The following NCKAP5 variants were observed in gnomAD, a reference collection of about 807,000 sequenced individuals.
NCKAP5 encodes the protein nck-associated protein 5.
NCKAP5 carries 92 observed loss-of-function variants against 167.0 expected under a neutral mutation model. The observed-to-expected ratio is 0.55, with a 90% CI of 0.47 to 0.66. NCKAP5 has a LOEUF of 0.66. Among genes scored for constraint, NCKAP5 ranks in the 30% least tolerant of loss-of-function variants. NCKAP5 has a pLI of 0.00. For synonymous variants in NCKAP5, 891 were observed against 877.4 expected, an observed-to-expected ratio of 1.02 and a Z score of -0.27; for missense variants, 2,378 against 2,315.0, an observed-to-expected ratio of 1.03 and a Z score of -0.56.
chr2:133,458,358 A>G (rs1691987322), intron 3 of NCKAP5, among the ~76,000 whole-genome samples: 1 of 152,142 alleles, frequency 6.6e-6, no homozygotes, highest in African/African-American at 2.4e-5. Flanking sequence ...CCTCATCTCA[A>G]TTTCAAAACG....
In NCKAP5 at chr2:133,130,916, C is replaced by G. The variant is rs150701448; in HGVS notation, c.208-805G>C. On this transcript the variant is annotated intron_variant, in intron 5 of 19. Coordinates refer to ENST00000409261, the MANE Select transcript of NCKAP5 (RefSeq NM_207363.3). ...TGTTATTGTTACTGCTGTTACTACA[C>G]TAAGCATTTTGTACACAGGATATAC... 4.4e-3 allele frequency among the ~76,000 whole-genome samples: 677 copies of G among 152,264 alleles called. 5 individuals are homozygous for G. Among genetic ancestry groups the G allele is most frequent in the Admixed American group, 7.4e-3 (113 of 15,298 alleles).
intron 6 of NCKAP5, among the ~76,000 whole-genome samples, chr2:133,099,550 C>G (rs2081438809): frequency 6.6e-6 from 1 of 152,174 alleles, no homozygotes; most frequent in Non-Finnish European, 1.5e-5. Flanking sequence ...AGCTGTTGAT[C>G]TCTGCTAAAT....
Position 133,172,741 on chromosome 2 carries a change from G to A in NCKAP5, c.207+40975C>T, listed in dbSNP as rs138077485. ...GGGCTCACTGCAAGCTCCGCCTCCC[G>A]GGTTCATGCCATTCTCCTGCCTCAG... is the stretch of plus-strand genomic sequence containing the variant. On this transcript the variant is annotated intron_variant, in intron 5 of 19. Transcript: ENST00000409261. Among the ~76,000 whole-genome samples the A allele has an allele frequency of 2.3e-3, 350 of 152,060 alleles. 4 individuals carry two copies. Among genetic ancestry groups the A allele is most frequent in the African/African-American group, 7.8e-3 (325 of 41,484 alleles).
intron 3 of NCKAP5, among the ~76,000 whole-genome samples, chr2:133,402,874 C>A (rs1295363874): frequency 6.6e-6 from 1 of 152,196 alleles, no homozygotes; most frequent in African/African-American, 2.4e-5. Context: ...TATTCTTTCA[C>A]AGCGATGCAA....
chr2:132,892,250 TCTTA>T (rs1400107494), intron 8 of NCKAP5, among the ~76,000 whole-genome samples: 1 of 152,220 alleles, frequency 6.6e-6, no homozygotes, highest in Non-Finnish European at 1.5e-5. Context: ...TTTCTCACCT[TCTTA>T]CTTCTGCTTC....
intron 19 of NCKAP5, among the ~76,000 whole-genome samples, chr2:132,700,934 G>A (rs529985742): frequency 1.7e-4 from 25 of 150,394 alleles, no homozygotes; most frequent in Non-Finnish European, 3.0e-4. Context: ...CCTGGGCGGG[G>A]GGGGGGGCTT....
chr2:132,792,073 A>G (rs1464178992), intron 12 of NCKAP5, among the ~76,000 whole-genome samples: 1 of 131,696 alleles, frequency 7.6e-6, no homozygotes, highest in African/African-American at 2.6e-5. Flanking sequence ...TGTTTTTCAG[A>G]TGGAGTTTCA....
chr2:133,524,910 A>G (rs1386209252), intron 2 of NCKAP5, among the ~76,000 whole-genome samples: 16 of 152,084 alleles, frequency 1.1e-4, no homozygotes, highest in Non-Finnish European at 2.2e-4. Flanking sequence ...TTGAGTCTGC[A>G]TCTGTGCATG....
intron 2 of NCKAP5, among the ~76,000 whole-genome samples, chr2:133,542,600 C>G (rs2104894377): frequency 6.6e-6 from 1 of 152,338 alleles, no homozygotes; most frequent in Admixed American, 6.5e-5. Flanking sequence ...CTCCTTTCCT[C>G]CCTGCTCACA....
At chr2:132,715,737 T>A (rs140218291) in intron 19 of NCKAP5, among the ~76,000 whole-genome samples, 1,541 of 152,286 alleles carry the variant, frequency 0.01, 6 homozygotes, top group South Asian at 0.018. Flanking sequence ...AACAGCCAAG[T>A]CTGAAAGTCC....
chr2:133,381,516 T>G (rs1686520856), intron 3 of NCKAP5: 1 of 152,206 alleles, frequency 6.6e-6, no homozygotes, highest in Non-Finnish European at 1.5e-5. Flanking sequence ...TTACCATTCC[T>G]CAAACTGTTT....
the NCKAP5 span, among the ~76,000 whole-genome samples, chr2:133,573,618 T>C: frequency 6.6e-6 from 1 of 152,216 alleles, no homozygotes; most frequent in Non-Finnish European, 1.5e-5. Context: ...GGAAGGCTCT[T>C]CATGAAAGGC....
chr2:133,428,412 G>T (rs1300804958), intron 3 of NCKAP5, among the ~76,000 whole-genome samples: 1 of 152,074 alleles, frequency 6.6e-6, no homozygotes, highest in African/African-American at 2.4e-5. Flanking sequence ...TTATATGAGG[G>T]TATTTGCTTT....
At chr2:133,628,666 G>A in the NCKAP5 span, among the ~76,000 whole-genome samples, 1 of 152,112 alleles carries the variant, frequency 6.6e-6, no homozygotes. Flanking sequence ...ACCAAAAAAA[G>A]AGCCCGTATA....
At chr2:133,488,347 C>T (rs996848206) in intron 3 of NCKAP5, among the ~76,000 whole-genome samples, 1 of 152,148 alleles carries the variant, frequency 6.6e-6, no homozygotes, top group Non-Finnish European at 1.5e-5. Flanking sequence ...GGGCTTCCAA[C>T]AAGTGCTGGT....
chr2:132,864,987 T>C (rs560952758), intron 10 of NCKAP5, among the ~76,000 whole-genome samples: 59 of 152,264 alleles, frequency 3.9e-4, no homozygotes, highest in South Asian at 2.5e-3. Context: ...ACTAGCTTCA[T>C]GGGATGTCTT....
the NCKAP5 span, among the ~76,000 whole-genome samples, chr2:133,603,863 G>A: frequency 6.6e-6 from 1 of 152,200 alleles, no homozygotes; most frequent in East Asian, 1.9e-4. Flanking sequence ...TCCAGTGCTT[G>A]GTTTCTCCAG....
intron 2 of NCKAP5, among the ~76,000 whole-genome samples, chr2:133,519,919 G>A (rs1474743541): frequency 6.6e-6 from 1 of 152,176 alleles, no homozygotes; most frequent in African/African-American, 2.4e-5. Flanking sequence ...CGGGCACGGT[G>A]GCTCACACCT....
intron 3 of NCKAP5, among the ~76,000 whole-genome samples, chr2:133,359,257 C>G (rs1684935896): frequency 6.6e-6 from 1 of 152,214 alleles, no homozygotes; most frequent in South Asian, 2.1e-4. Flanking sequence ...AGGCAATCTT[C>G]TTTGTCCTTT....
Sources: allele counts gnomAD v4.1 joint callset (sites outside exome capture counted in the v4.1 genomes callset), GRCh38; gene constraint gnomAD v4.1.1; transcripts MANE v1.5; gene names NCBI Gene and HGNC (gene_info 2026-07-23, HGNC 2026-07-21).